ZBTB37: variants seen among roughly 807,000 people sequenced by gnomAD.
The protein encoded by ZBTB37 is zinc finger and BTB domain containing 37.
In ZBTB37, 15 loss-of-function variants were observed where a neutral mutation model predicts 37.7. That is an observed-to-expected ratio of 0.40 (90% CI 0.27 to 0.61). The LOEUF (loss-of-function observed/expected upper bound fraction) is 0.61. ZBTB37 is among the 20% of genes least tolerant of loss of function. The pLI, the probability that ZBTB37 is intolerant of heterozygous loss-of-function variation, is 0.44. For missense variants in ZBTB37, 514 were observed against 641.9 expected, an observed-to-expected ratio of 0.80 and a Z score of 2.15; for synonymous variants, 231 against 220.6, an observed-to-expected ratio of 1.05 and a Z score of -0.42.
At chr1:173,870,164 A>T in intron 2 of ZBTB37, 36 bp from the exon 3 acceptor site, 2 of 1,343,396 alleles carry the variant, frequency 1.5e-6, no homozygotes, top group Non-Finnish European at 2.0e-6. Flanking sequence ...GTAAAATTAT[A>T]ATTATTAATG....
rs1356062342 is a variant in ZBTB37, at chr1:173,873,448, T to C, written c.924-19T>C. 6.9e-6 allele frequency: 11 copies of C among 1,593,096 alleles called. No homozygotes were observed. Among genetic ancestry groups the C allele is most frequent in the African/African-American group, 1.4e-5 (1 of 73,842 alleles). ...ATGCTGCTTTTGTATTAGTCCCCTT[T>C]ATGTTCCTCTTCCAACAGATTTAGC... On this transcript the variant is annotated intron_variant, in intron 3 of 4. Coordinates refer to ENST00000427304, the Ensembl canonical transcript of ZBTB37.
At chr1:173,879,393 A>G (rs1246157616) in intron 4 of ZBTB37, among the ~76,000 whole-genome samples, 1 of 152,124 alleles carries the variant, frequency 6.6e-6, no homozygotes, top group Admixed American at 6.6e-5. Context: ...GTGGGTGTGT[A>G]GGTTTTCTTT....
chr1:173,878,168 T>A (rs1350614194), intron 4 of ZBTB37, among the ~76,000 whole-genome samples: 1 of 152,244 alleles, frequency 6.6e-6, no homozygotes, highest in African/African-American at 2.4e-5. Context: ...TAGTTTTATC[T>A]GTCCTAACTG....
chr1:173,875,373 T>C (rs1392488435), intron 4 of ZBTB37, among the ~76,000 whole-genome samples: 1 of 150,200 alleles, frequency 6.7e-6, no homozygotes, highest in African/African-American at 2.5e-5. Flanking sequence ...TCACCCAGGC[T>C]GGAGTGCAGT....
chr1:173,898,884 C>T (rs1242433128), exon 4 of ZBTB37: 1 of 152,200 alleles, frequency 6.6e-6, no homozygotes, highest in Non-Finnish European at 1.5e-5. Flanking sequence ...GCTTTTTACC[C>T]TAATACACTG....
chr1:173,870,197 C>T lies in ZBTB37; in HGVS notation c.-29C>T. On this transcript the variant is annotated splice_region_variant and 5_prime_UTR_variant, in exon 3 of 5. Coordinates refer to ENST00000427304, the Ensembl canonical transcript of ZBTB37. ...ATGAGAATATGGTTTCTTTTTTCAGCAGGGTTGAATGCACCCTCAGGCACG... is the reference window on the plus strand; with the variant it reads ...ATGAGAATATGGTTTCTTTTTTCAGTAGGGTTGAATGCACCCTCAGGCACG... 2 of 1,539,996 alleles carry T rather than the reference C, an allele frequency of 1.3e-6. No individual in the cohort carries two copies. The highest frequency in any genetic ancestry group is 2.3e-5 in the East Asian group (1 of 43,920).
chr1:173,888,841 G>C (rs570621531), downstream of ZBTB37: 41 of 152,336 alleles, frequency 2.7e-4, no homozygotes, highest in African/African-American at 9.6e-4. Context: ...TTTCTGTAAA[G>C]AGAAACTTTG....
Position 173,878,444 on chromosome 1 carries a change from A to G in ZBTB37, c.1023+4878A>G, listed in dbSNP as rs1489906453. 4.4e-4 allele frequency among the ~76,000 whole-genome samples: 67 copies of G among 152,184 alleles called. 1 individual carries two copies. The highest frequency in any genetic ancestry group is 4.3e-3 in the Admixed American group (66 of 15,278). ...GAAAGGAGAAGGGAAGGAAGGGGAA[A>G]GAGTCAGCCTATGTTACAGAATGAT... On this transcript the variant is annotated intron_variant, in intron 4 of 4. Coordinates refer to ENST00000427304, the Ensembl canonical transcript of ZBTB37.
chr1:173,886,905 T>C (rs1025941314), downstream of ZBTB37: 1 of 152,250 alleles, frequency 6.6e-6, no homozygotes, highest in Non-Finnish European at 1.5e-5. Context: ...TTTGCAAATA[T>C]CAAACAGCAC....
exon 4 of ZBTB37, chr1:173,898,069 T>G (rs1657117060): frequency 6.6e-6 from 1 of 152,190 alleles, no homozygotes; most frequent in South Asian, 2.1e-4. Context: ...CTAATTCCTT[T>G]TAATGATGTG....
At chr1:173,877,617 T>C (rs2102734064) in intron 4 of ZBTB37, among the ~76,000 whole-genome samples, 1 of 152,158 alleles carries the variant, frequency 6.6e-6, no homozygotes, top group South Asian at 2.1e-4. Context: ...CTGAGCTCAG[T>C]AGTGGCTCAC....
At chr1:173,870,872 G>A (rs759160801) in exon 3 of ZBTB37, 14 of 1,614,196 alleles carry the variant, frequency 8.7e-6, no homozygotes, top group South Asian at 4.4e-5. Context: ...CGGATCAACC[G>A]AGCAGGACAG....
intron 4 of ZBTB37, among the ~76,000 whole-genome samples, chr1:173,885,380 G>T (rs1445982667): frequency 6.6e-6 from 1 of 152,162 alleles, no homozygotes; most frequent in Non-Finnish European, 1.5e-5. Context: ...TTCAGCAGGG[G>T]TTTAATAAGC....
At chr1:173,896,476 C>G (rs971496646) in exon 4 of ZBTB37, 1 of 152,180 alleles carries the variant, frequency 6.6e-6, no homozygotes, top group Non-Finnish European at 1.5e-5. Context: ...TATAGATTCT[C>G]TGTGAATTTA....
chr1:173,881,091 C>T lies in ZBTB37; in HGVS notation c.1024-4545C>T, dbSNP rs148654617. ...TTTACATTAGGTATATCTCCTAATGCTATCCCTCCCCCCTCCTCCCACCCC... is the reference window on the plus strand; with the variant it reads ...TTTACATTAGGTATATCTCCTAATGTTATCCCTCCCCCCTCCTCCCACCCC... On this transcript the variant is annotated intron_variant, in intron 4 of 4. Coordinates refer to ENST00000427304, the Ensembl canonical transcript of ZBTB37. Among the ~76,000 whole-genome samples, 634 of 152,140 alleles carry T rather than the reference C, an allele frequency of 4.2e-3. 5 individuals carry two copies. The highest frequency in any genetic ancestry group is 6.6e-3 in the Non-Finnish European group (448 of 68,026).
intron 4 of ZBTB37, among the ~76,000 whole-genome samples, chr1:173,879,518 C>G (rs901798296): frequency 9.9e-5 from 15 of 152,212 alleles, no homozygotes; most frequent in African/African-American, 3.4e-4. Flanking sequence ...TTCAAGATCC[C>G]CACTTTTAAG....
intron 4 of ZBTB37, among the ~76,000 whole-genome samples, chr1:173,876,352 C>T (rs924863189): frequency 6.6e-6 from 1 of 152,066 alleles, no homozygotes; most frequent in African/African-American, 2.4e-5. Context: ...GAGTCTGGCT[C>T]TGTCATCCAG....
downstream of ZBTB37, chr1:173,888,516 C>T (rs1656716437): frequency 6.6e-6 from 1 of 152,138 alleles, no homozygotes; most frequent in East Asian, 1.9e-4. Flanking sequence ...TAATCTTGAA[C>T]TCCTAGGCTC....
chr1:173,884,332 A>G (rs1656502511), intron 4 of ZBTB37, among the ~76,000 whole-genome samples: 1 of 151,388 alleles, frequency 6.6e-6, no homozygotes, highest in Admixed American at 6.6e-5. Flanking sequence ...TTTTATTGTT[A>G]TTTTTTGTAC....
Sources: allele counts gnomAD v4.1 joint callset (sites outside exome capture counted in the v4.1 genomes callset), GRCh38; gene constraint gnomAD v4.1.1; transcripts MANE v1.5; gene names NCBI Gene and HGNC (gene_info 2026-07-23, HGNC 2026-07-21).